Variants in WNT3 observed in about 807,000 individuals in gnomAD.
WNT3 encodes the protein proto-oncogene Wnt-3.
WNT3 carries 7 observed loss-of-function variants against 34.2 expected under a neutral mutation model. The observed-to-expected ratio is 0.20, with a 90% confidence interval of 0.12 to 0.38. The LOEUF (loss-of-function observed/expected upper bound fraction) is 0.38, where lower values mean the gene tolerates loss of function less well. WNT3 is among the 10% of genes least tolerant of loss of function. The pLI is 1.00. For synonymous variants in WNT3, 212 were observed against 211.5 expected (o/e 1.00, Z -0.02); for missense variants, 267 against 499.8 (o/e 0.53, Z 4.44).
chr17:46,803,898 G>A (rs1218910667), intron 1 of WNT3, among the ~76,000 whole-genome samples: 1 of 152,186 alleles, frequency 6.6e-6, no homozygotes, highest in African/African-American at 2.4e-5. Flanking sequence ...GCTGAAGAGG[G>A]TGGGCACAGG....
At chr17:46,794,111 T>C (rs1204994307) in intron 1 of WNT3, among the ~76,000 whole-genome samples, 2 of 151,658 alleles carry the variant, frequency 1.3e-5, no homozygotes, top group Non-Finnish European at 1.5e-5. Flanking sequence ...TTATAAACTC[T>C]CTGGTGGGAG....
At position 46,763,400 on chromosome 17, in the gene WNT3, A is replaced by G. The variant is rs1306312772; in HGVS notation, c.*1230T>C. The G allele has an allele frequency of 1.3e-5, 2 of 152,178 alleles. No individual in the cohort carries two copies. The highest frequency in any genetic ancestry group is 2.4e-5 in the African/African-American group (1 of 41,436). The allele number at this position is 152,178 out of a possible 1,614,324, so 9.4% of individuals were successfully genotyped here. A position where few individuals can be genotyped will look rare whatever the true frequency, so the allele number is the denominator to read the frequency against. On this transcript the variant is annotated 3_prime_UTR_variant, in exon 5 of 5. Transcript: ENST00000225512. ...CTGCTGGTTCCCCTTTGAACTTCTA[A>G]TCCAGATCCTTGGGAACTGCATGGA...
chr17:46,788,645 C>T (rs192826640), intron 1 of WNT3, among the ~76,000 whole-genome samples: 405 of 152,320 alleles, frequency 2.7e-3, no homozygotes, highest in Non-Finnish European at 3.6e-3. Flanking sequence ...AATTGTCCAC[C>T]GACTCCATTG....
At position 46,762,944 on chromosome 17, in the gene WNT3, A is replaced by G. The variant is rs188936154; in HGVS notation, c.*1686T>C. On this transcript the variant is annotated 3_prime_UTR_variant, in exon 5 of 5. Transcript: ENST00000225512. ...TGAAGTATTCTCACATAAAGCAAGT[A>G]TTATCCAGTTGACATGATTTAAAAC... 3 of 152,368 alleles carry G rather than the reference A, an allele frequency of 2.0e-5. No individual in the cohort carries two copies. Among genetic ancestry groups the G allele is most frequent in the Admixed American group, 1.3e-4 (2 of 15,310 alleles). 9.4% of individuals were successfully genotyped at this position (152,368 alleles called of 1,614,324 possible).
chr17:46,768,588 T>C lies in WNT3; in HGVS notation c.800A>G (p.Lys267Arg), dbSNP rs886053073. The change falls in exon 4 of 5, where the codon AAG becomes AGG. Residue 267 changes from lysine to arginine, a missense_variant. Transcript: ENST00000225512. This position sits in a 1 kb window ranked among gnomAD's most constrained non-coding sequence, Gnocchi z 5.0. ...GACCAGGTCCCTCTCCGTGGGTGGCTTGAAGAGCGAGTACTTGGCCCGGAG... is the reference window on the plus strand; with the variant it reads ...GACCAGGTCCCTCTCCGTGGGTGGCCTGAAGAGCGAGTACTTGGCCCGGAG... ...ETLRAKYSLF[K>R]PPTERDLVYY... 1.7e-5 allele frequency: 28 copies of C among 1,614,176 alleles called. No homozygotes were observed. Among genetic ancestry groups the C allele is most frequent in the Non-Finnish European group, 2.2e-5 (26 of 1,180,032 alleles).
chr17:46,800,049 T>C (rs970536881), intron 1 of WNT3, among the ~76,000 whole-genome samples: 1 of 152,178 alleles, frequency 6.6e-6, no homozygotes, highest in Non-Finnish European at 1.5e-5. Flanking sequence ...CAGCTGAGCC[T>C]GAACTGCAGC....
chr17:46,779,105 C>CACACACACA (rs1568079934), intron 1 of WNT3, among the ~76,000 whole-genome samples: 1 of 35,398 alleles, frequency 2.8e-5, no homozygotes, highest in South Asian at 9.5e-4. Context: ...ACACACACAC[C>CACACACACA]CCAGCCCACT....
intron 1 of WNT3, among the ~76,000 whole-genome samples, chr17:46,787,299 G>A (rs1205265466): frequency 6.6e-6 from 1 of 151,976 alleles, no homozygotes; most frequent in African/African-American, 2.4e-5. Context: ...TATTGGAGTA[G>A]GGCGGGGGCG....
chr17:46,808,771 A>G (rs1482665424), intron 1 of WNT3, among the ~76,000 whole-genome samples: 2 of 152,146 alleles, frequency 1.3e-5, no homozygotes, highest in African/African-American at 4.8e-5. Context: ...ATAGTACACA[A>G]ATAGGAAACG....
chr17:46,809,742 C>T (rs902618255), intron 1 of WNT3, among the ~76,000 whole-genome samples: 1 of 152,192 alleles, frequency 6.6e-6, no homozygotes, highest in Admixed American at 6.5e-5. Context: ...AACCAAGCCC[C>T]ATGCCCTGAG....
Position 46,768,427 on chromosome 17 carries a change from T to G in WNT3, c.961A>C (p.Thr321Pro). The G allele has an allele frequency of 6.2e-7, 1 of 1,614,044 alleles. No homozygotes were observed. Among genetic ancestry groups the G allele is most frequent in the Non-Finnish European group, 8.5e-7 (1 of 1,180,028 alleles). Residue 321 changes from threonine to proline, a missense_variant, in exon 4 of 5, where the codon ACG becomes CCG. Physicochemically the swap from Thr to Pro is conservative, Grantham distance 38. Transcript: ENST00000225512. This position sits in a 1 kb window ranked among gnomAD's most constrained non-coding sequence, Gnocchi z 5.0. ...DLLCCGRGHN[T>P]RTEKRKEKCH... ...TTTTCCTTCCGCTTCTCCGTCCTCG[T>G]GTTGTGGCCCCGGCCACAGCAGAGC... is the stretch of plus-strand genomic sequence containing the variant.
At chr17:46,779,057 A>ACT (rs2059435970) in intron 1 of WNT3, among the ~76,000 whole-genome samples, 1 of 80,390 alleles carries the variant, frequency 1.2e-5, no homozygotes, top group Admixed American at 1.2e-4. Flanking sequence ...ACCCCATCAC[A>ACT]CACACACACA....
At chr17:46,804,073 C>T (rs1464442120) in intron 1 of WNT3, among the ~76,000 whole-genome samples, 1 of 151,884 alleles carries the variant, frequency 6.6e-6, no homozygotes, top group East Asian at 2.0e-4. Flanking sequence ...CTTGATCCTG[C>T]TCTTCTGTTT....
chr17:46,772,537 C>G (rs1007080847), intron 2 of WNT3, among the ~76,000 whole-genome samples: 2 of 152,260 alleles, frequency 1.3e-5, no homozygotes, highest in African/African-American at 4.8e-5. Context: ...GTTTGAAATG[C>G]AAACCGCCGC....
intron 1 of WNT3, among the ~76,000 whole-genome samples, chr17:46,809,081 G>T (rs979555434): frequency 6.6e-6 from 1 of 152,200 alleles, no homozygotes; most frequent in Non-Finnish European, 1.5e-5. Flanking sequence ...AACAAGCAAA[G>T]AGGTGAGTAT....
chr17:46,770,201 C>T (rs567548650), intron 2 of WNT3, among the ~76,000 whole-genome samples, 153 bp from the exon 3 acceptor site: 35 of 152,332 alleles, frequency 2.3e-4, no homozygotes, highest in African/African-American at 7.9e-4. Flanking sequence ...GCTTCCCCAC[C>T]CTCTTTGGCT....
intron 1 of WNT3, among the ~76,000 whole-genome samples, chr17:46,816,115 ACACACACACACACACT>A (rs1472657972): frequency 1.4e-3 from 38 of 26,372 alleles, no homozygotes; most frequent in Middle Eastern, 0.017. Context: ...GCGCACGTAC[ACACACACACACACACT>A]CACACACACG....
Position 46,812,219 on chromosome 17 carries a change from G to A in WNT3, c.80+6299C>T, listed in dbSNP as rs568554677. On this transcript the variant is annotated intron_variant, in intron 1 of 4. Coordinates refer to ENST00000225512, the MANE Select transcript of WNT3 (RefSeq NM_030753.5). ...AGCAGGGAATTCCCTCTCTGGCAGC[G>A]GGATAAAGAAGGACCCTGCTTAGAG... Among the ~76,000 whole-genome samples the A allele has an allele frequency of 1.4e-4, 22 of 152,236 alleles. No individual in the cohort carries two copies. In the Middle Eastern group the frequency reaches 0.01, roughly 71 times the overall value.
chr17:46,779,103 A>ACACACACACCCCCCCC (rs749719578), intron 1 of WNT3, among the ~76,000 whole-genome samples: 3 of 133,662 alleles, frequency 2.2e-5, no homozygotes, highest in East Asian at 2.6e-4. Flanking sequence ...ACACACACAC[A>ACACACACACCCCCCCC]CCCCAGCCCA....
Sources: gnomAD v4.1 joint callset for allele counts (sites outside exome capture counted in the v4.1 genomes callset) on GRCh38, gnomAD v4.1.1 for gene constraint, Gnocchi (gnomAD v3.1) non-coding constraint, MANE v1.5 for transcripts, NCBI Gene and HGNC (gene_info 2026-07-23, HGNC 2026-07-21) for gene names.